TTC39C: variants seen among roughly 807,000 people sequenced by gnomAD.
The protein encoded by TTC39C is tetratricopeptide repeat protein 39C.
TTC39C carries 33 observed loss-of-function variants against 76.3 expected under a neutral mutation model. The ratio of observed to expected loss-of-function variants is 0.43; its 90% CI spans 0.33 to 0.58. The LOEUF is 0.58. Ranked by LOEUF, TTC39C falls within the 20% of genes least tolerant of loss-of-function variation. The pLI is 0.04. For synonymous variants in TTC39C, 254 were observed against 260.6 expected, an observed-to-expected ratio of 0.97 and a Z score of 0.24; for missense variants, 595 against 701.4, an observed-to-expected ratio of 0.85 and a Z score of 1.71.
chr18:24,008,629 C>T (rs2083371666), intron 1 of TTC39C, among the ~76,000 whole-genome samples: 1 of 152,190 alleles, frequency 6.6e-6, no homozygotes, highest in South Asian at 2.1e-4. Flanking sequence ...GTGGCCATTC[C>T]TCAAAGAGCT....
intron 11 of TTC39C, among the ~76,000 whole-genome samples, chr18:24,129,446 A>G (rs1453493764): frequency 6.6e-6 from 1 of 152,136 alleles, no homozygotes; most frequent in Non-Finnish European, 1.5e-5. Flanking sequence ...GAAGAAGTAT[A>G]TATCAGTGTT....
chr18:24,035,574 T>G (rs1371825615), intron 1 of TTC39C, among the ~76,000 whole-genome samples: 1 of 152,236 alleles, frequency 6.6e-6, no homozygotes, highest in Non-Finnish European at 1.5e-5. Flanking sequence ...TTGTATATAT[T>G]CTTTGGAGAA....
chr18:24,024,002 A>T (rs1346094063), intron 1 of TTC39C, among the ~76,000 whole-genome samples: 333 of 4,180 alleles, frequency 0.08, 36 homozygotes, highest in African/African-American at 0.13. Flanking sequence ...ATATATATAT[A>T]TATATATATA....
At chr18:24,118,931 T>C (rs1213345486) in intron 8 of TTC39C, among the ~76,000 whole-genome samples, 3 of 152,156 alleles carry the variant, frequency 2.0e-5, no homozygotes, top group Non-Finnish European at 4.4e-5. Flanking sequence ...ACTGGGATTA[T>C]AGGCATGAGC....
At chr18:24,064,249 T>C (rs2084138108) in intron 2 of TTC39C, 61 bp downstream of exon 2, 1 of 1,581,458 alleles carries the variant, frequency 6.3e-7, no homozygotes, top group Admixed American at 1.7e-5. Context: ...GTAATGTCTG[T>C]TAGTGGCTAC....
chr18:24,065,665 C>G (rs375095670), intron 2 of TTC39C, among the ~76,000 whole-genome samples: 83 of 152,334 alleles, frequency 5.4e-4, no homozygotes, highest in African/African-American at 1.9e-3. Flanking sequence ...GTAGAATGAA[C>G]TTCTGCATCA....
chr18:24,061,525 C>T (rs1473511836), intron 1 of TTC39C, among the ~76,000 whole-genome samples: 1 of 142,296 alleles, frequency 7.0e-6, no homozygotes, highest in African/African-American at 2.6e-5. Flanking sequence ...TGTGTAGAGA[C>T]ACATGCATGG....
intron 6 of TTC39C, among the ~76,000 whole-genome samples, chr18:24,101,917 C>T (rs749727304): frequency 1.3e-5 from 2 of 152,212 alleles, no homozygotes; most frequent in Non-Finnish European, 2.9e-5. Flanking sequence ...GTTTCACATA[C>T]ATTTTCCCCA....
At chr18:24,048,010 T>C (rs1479307580) in intron 1 of TTC39C, among the ~76,000 whole-genome samples, 1 of 152,236 alleles carries the variant, frequency 6.6e-6, no homozygotes, top group Non-Finnish European at 1.5e-5. Flanking sequence ...TAGCCATGTT[T>C]ATTTTATACA....
intron 2 of TTC39C, 116 bp from the exon 3 acceptor site, chr18:24,065,896 T>C: frequency 9.0e-7 from 1 of 1,105,018 alleles, no homozygotes. Context: ...ATTGTGATTC[T>C]TTTGCTTGCA....
chr18:24,014,715 T>G, upstream of TTC39C: 1 of 1,085,360 alleles, frequency 9.2e-7, no homozygotes, highest in Non-Finnish European at 1.1e-6. Flanking sequence ...CCCTCCGCGG[T>G]CCTTCCCTCC....
At chr18:24,029,487 T>A (rs2083641973) in intron 1 of TTC39C, among the ~76,000 whole-genome samples, 1 of 152,224 alleles carries the variant, frequency 6.6e-6, no homozygotes, top group African/African-American at 2.4e-5. Flanking sequence ...AACTTAAAGC[T>A]CTTTGAGAAA....
At chr18:24,083,769 A>G (rs1258239433) in intron 6 of TTC39C, among the ~76,000 whole-genome samples, 2 of 152,002 alleles carry the variant, frequency 1.3e-5, no homozygotes, top group African/African-American at 4.8e-5. Flanking sequence ...TCTCCTTTGC[A>G]TATCTTTTTA....
At chr18:24,060,608 G>T (rs1033919263) in intron 1 of TTC39C, among the ~76,000 whole-genome samples, 1 of 152,026 alleles carries the variant, frequency 6.6e-6, no homozygotes. Flanking sequence ...GCGCCTGGCC[G>T]TATTCTTTTA....
intron 1 of TTC39C, among the ~76,000 whole-genome samples, chr18:23,998,208 T>C (rs1206149072): frequency 1.3e-5 from 2 of 152,198 alleles, no homozygotes; most frequent in African/African-American, 2.4e-5. Flanking sequence ...CCCAATATCA[T>C]AGGACTAGCA....
intron 1 of TTC39C, among the ~76,000 whole-genome samples, chr18:24,059,358 C>T (rs2084060543): frequency 1.3e-5 from 2 of 152,140 alleles, no homozygotes; most frequent in African/African-American, 2.4e-5. Context: ...AGTCCCCTCC[C>T]TCCTCCCACC....
chr18:24,001,739 T>C (rs570639368), intron 1 of TTC39C: 11 of 152,206 alleles, frequency 7.2e-5, no homozygotes, highest in Admixed American at 7.2e-4. Flanking sequence ...TTCATGAAAA[T>C]TGGAATAGGT....
Position 24,097,044 on chromosome 18 carries a change from C to A in TTC39C, c.984+13963C>A, listed in dbSNP as rs747041003. On this transcript the variant is annotated intron_variant, in intron 6 of 13. Transcript: ENST00000317571. ...ACTGTAAGGTGAATGCCTAATGATT[C>A]CCAAGGAAATTCTCACAAAATTGGC... 2.0e-5 allele frequency among the ~76,000 whole-genome samples: 3 copies of A among 152,130 alleles called. No homozygotes were observed. In the South Asian group the frequency reaches 6.2e-4, roughly 32 times the overall value.
chr18:24,054,558 C>A (rs1040358882), intron 1 of TTC39C, among the ~76,000 whole-genome samples: 5 of 152,158 alleles, frequency 3.3e-5, no homozygotes, highest in Non-Finnish European at 5.9e-5. Flanking sequence ...TCTTCTTGCC[C>A]TTCACAACAA....
Sources: allele counts gnomAD v4.1 joint callset (sites outside exome capture counted in the v4.1 genomes callset), GRCh38; gene constraint gnomAD v4.1.1; transcripts MANE v1.5; gene names NCBI Gene and HGNC (gene_info 2026-07-23, HGNC 2026-07-21).